Variants in PPP2R5E observed in about 807,000 individuals in gnomAD.
The protein encoded by PPP2R5E is protein phosphatase 2 regulatory subunit B'epsilon.
Under a neutral mutation model 65.3 loss-of-function variants are expected in PPP2R5E, and 4 were observed. The observed-to-expected ratio is 0.06, with a 90% CI of 0.03 to 0.14. The LOEUF (loss-of-function observed/expected upper bound fraction) is 0.14. Ranked by LOEUF, PPP2R5E falls within the 10% of genes least tolerant of loss-of-function variation. The pLI, the probability that PPP2R5E is intolerant of heterozygous loss-of-function variation, is 1.00. For missense variants in PPP2R5E, 274 were observed against 556.1 expected, an observed-to-expected ratio of 0.49 and a Z score of 5.10; for synonymous variants, 183 against 187.4, an observed-to-expected ratio of 0.98 and a Z score of 0.19.
chr14:63,521,750 G>C (rs1025293044), intron 2 of PPP2R5E, among the ~76,000 whole-genome samples: 2 of 152,138 alleles, frequency 1.3e-5, no homozygotes, highest in Non-Finnish European at 2.9e-5. Context: ...TCACAGAACA[G>C]GGAATACTGA....
Position 63,376,031 on chromosome 14 carries a change from C to T in PPP2R5E, c.1382G>A (p.Arg461His), listed in dbSNP as rs746570920. 13 of 1,600,406 alleles carry T rather than the reference C, an allele frequency of 8.1e-6. No homozygotes were observed. Among genetic ancestry groups the T allele is most frequent in the African/African-American group, 4.0e-5 (3 of 74,636 alleles). ...EDLELKRGLR[R>H]DGIIPT The stretch of plus-strand genomic sequence containing the variant: ...TTGTTAAGTTGGAATTATTCCATCA[C>T]GTCTAAGACCTCTCTTTAACTCCAG... The change falls in exon 14 of 14, where the codon CGT becomes CAT. Residue 461 changes from arginine (R) to histidine (H), a missense_variant. Physicochemically the swap from Arg to His is conservative, Grantham distance 29 (BLOSUM62 0). Coordinates refer to ENST00000337537, the MANE Select transcript of PPP2R5E (RefSeq NM_006246.5).
At chr14:63,443,366 A>G (rs1018348271) in intron 3 of PPP2R5E, among the ~76,000 whole-genome samples, 2 of 152,238 alleles carry the variant, frequency 1.3e-5, no homozygotes, top group Admixed American at 1.3e-4. Flanking sequence ...GCCAAGTCCT[A>G]GAGACAAAAT....
chr14:63,379,931 T>A (rs902838512), intron 13 of PPP2R5E, among the ~76,000 whole-genome samples: 2 of 146,412 alleles, frequency 1.4e-5, no homozygotes, highest in African/African-American at 2.6e-5. Context: ...ACCTCCCGGG[T>A]TCAACTGACC....
chr14:63,532,775 T>C (rs1303853556), intron 2 of PPP2R5E, among the ~76,000 whole-genome samples: 4 of 152,184 alleles, frequency 2.6e-5, no homozygotes, highest in Admixed American at 6.6e-5. Flanking sequence ...ACAAAACCCA[T>C]GCGACAATGT....
intron 3 of PPP2R5E, among the ~76,000 whole-genome samples, chr14:63,435,247 A>G (rs1169395487): frequency 6.6e-6 from 1 of 151,862 alleles, no homozygotes; most frequent in African/African-American, 2.4e-5. Flanking sequence ...GTATATCTAA[A>G]TTTTTTAAAG....
chr14:63,525,414 T>G (rs1213212150), intron 2 of PPP2R5E, among the ~76,000 whole-genome samples: 2 of 152,186 alleles, frequency 1.3e-5, no homozygotes, highest in African/African-American at 4.8e-5. Flanking sequence ...CCTTTTAAAA[T>G]TCTATTTGGT....
chr14:63,407,998 C>T (rs151275689), intron 5 of PPP2R5E, among the ~76,000 whole-genome samples: 54 of 152,324 alleles, frequency 3.5e-4, no homozygotes, highest in East Asian at 1.2e-3. Flanking sequence ...TTTGTTAAAG[C>T]AGCACAAAAG....
chr14:63,432,050 A>T (rs1422283223), intron 3 of PPP2R5E, among the ~76,000 whole-genome samples: 1 of 152,160 alleles, frequency 6.6e-6, no homozygotes, highest in South Asian at 2.1e-4. Context: ...AAAAAAAAAA[A>T]AAAGCTTAAA....
At position 63,396,571 on chromosome 14, in the gene PPP2R5E, T is replaced by A; in HGVS notation, c.680+15A>T. On this transcript the variant is annotated intron_variant, in intron 6 of 13. Transcript: ENST00000337537. ...AACTTTGCTTCTCCTTCTTCCCCCA[T>A]CACACTCCACTTACCTTAGAAAAAT... 6.2e-7 allele frequency: 1 copy of A among 1,610,530 alleles called. No homozygotes were observed. The highest frequency in any genetic ancestry group is 8.5e-7 in the Non-Finnish European group (1 of 1,178,948).
rs200484748 is a variant in PPP2R5E, at chr14:63,430,373, GCATGCATA to G, written c.355-8287_355-8280del. On this transcript the variant is annotated intron_variant, in intron 3 of 13. Transcript: ENST00000337537. ...TACATACATACATACATACATACATGCATGCATACATACATACATACATACATGCATAC... is the reference window on the plus strand; with the variant it reads ...TACATACATACATACATACATACATGCATACATACATACATACATGCATAC... Among the ~76,000 whole-genome samples the G allele has an allele frequency of 9.8e-3, 1,245 of 126,516 alleles. 36 individuals are homozygous for G. In the East Asian group the frequency reaches 0.12, roughly 12 times the overall value. The allele number at this position is 126,516 out of a possible 152,430, so 83.0% of individuals were successfully genotyped here.
At chr14:63,469,992 T>A (rs1358527437) in intron 2 of PPP2R5E, among the ~76,000 whole-genome samples, 5 of 152,186 alleles carry the variant, frequency 3.3e-5, no homozygotes, top group Admixed American at 3.3e-4. Flanking sequence ...CTCCTCTCCA[T>A]TTATTTGGAC....
chr14:63,410,067 T>G (rs766550034), intron 5 of PPP2R5E, among the ~76,000 whole-genome samples: 12 of 152,202 alleles, frequency 7.9e-5, no homozygotes, highest in Non-Finnish European at 1.6e-4. Flanking sequence ...TTGTATTCAC[T>G]GACAGAGGAA....
At chr14:63,522,996 G>A (rs1456225160) in intron 2 of PPP2R5E, among the ~76,000 whole-genome samples, 5 of 149,986 alleles carry the variant, frequency 3.3e-5, no homozygotes, top group South Asian at 2.1e-4. Flanking sequence ...CGCCCCGTCC[G>A]GGAGGTGAGG....
intron 2 of PPP2R5E, among the ~76,000 whole-genome samples, chr14:63,519,668 CTTTT>C (rs879481527): frequency 7.1e-6 from 1 of 140,294 alleles, no homozygotes. Flanking sequence ...GACAAACTCT[CTTTT>C]TTTTTTTTTG....
At chr14:63,382,238 T>C in intron 12 of PPP2R5E, 81 bp from the exon 13 acceptor site, 1 of 1,048,964 alleles carries the variant, frequency 9.5e-7, no homozygotes, top group Non-Finnish European at 1.4e-6. Context: ...AAGCACAACT[T>C]TTGTCTGAAT....
chr14:63,376,255 G>A (rs1883976889), intron 13 of PPP2R5E, 147 bp from the exon 14 acceptor site: 1 of 613,018 alleles, frequency 1.6e-6, no homozygotes, highest in Admixed American at 3.2e-5. Flanking sequence ...ACAAAAATGG[G>A]AATGACTTAT....
At chr14:63,530,962 T>C (rs760793403) in intron 2 of PPP2R5E, among the ~76,000 whole-genome samples, 10 of 152,188 alleles carry the variant, frequency 6.6e-5, no homozygotes, top group Admixed American at 1.3e-4. Context: ...ATTTTACCTA[T>C]GCTACAGAAG....
intron 2 of PPP2R5E, among the ~76,000 whole-genome samples, chr14:63,493,605 G>GGGTTCT (rs1430041194): frequency 6.6e-6 from 1 of 152,080 alleles, no homozygotes; most frequent in Non-Finnish European, 1.5e-5. Context: ...AATAAAGGCT[G>GGGTTCT]CTTACACTGT....
chr14:63,396,819 T>A (rs1343869285), intron 5 of PPP2R5E, 103 bp from the exon 6 acceptor site: 7 of 1,418,248 alleles, frequency 4.9e-6, no homozygotes, highest in Non-Finnish European at 6.7e-6. Flanking sequence ...AAAAAATGTG[T>A]TGAATATCTA....
Sources: gnomAD v4.1 joint callset for allele counts (sites outside exome capture counted in the v4.1 genomes callset) on GRCh38, gnomAD v4.1.1 for gene constraint, MANE v1.5 for transcripts, NCBI Gene and HGNC (gene_info 2026-07-23, HGNC 2026-07-21) for gene names.